Variants in SRL observed in about 807,000 individuals in gnomAD.
SRL encodes sarcalumenin.
SRL carries 23 observed loss-of-function variants against 39.5 expected under a neutral mutation model. That is an observed-to-expected ratio of 0.58 (90% CI 0.42 to 0.82). The LOEUF (loss-of-function observed/expected upper bound fraction) is 0.82, where lower values mean the gene tolerates loss of function less well. Ranked by LOEUF, SRL falls within the 40% of genes least tolerant of loss-of-function variation. SRL has a pLI of 0.00. For missense variants in SRL, 592 were observed against 607.8 expected, an observed-to-expected ratio of 0.97 and a Z score of 0.27; for synonymous variants, 272 against 237.4, an observed-to-expected ratio of 1.15 and a Z score of -1.34.
chr16:4,206,673 G>T, intron 1 of SRL: 1 of 456,770 alleles, frequency 2.2e-6, no homozygotes. Flanking sequence ...AAGACTTCCA[G>T]GGAGAATGCA....
chr16:4,227,545 G>A (rs868255759), intron 1 of SRL, among the ~76,000 whole-genome samples: 1 of 151,882 alleles, frequency 6.6e-6, no homozygotes, highest in African/African-American at 2.4e-5. Context: ...GGTAGATGAT[G>A]GATGGGTGGA....
Position 4,190,289 on chromosome 16 carries a change from G to A in SRL, c.*1864C>T. The A allele has an allele frequency of 5.0e-6, 2 of 399,090 alleles. No individual in the cohort carries two copies. Among genetic ancestry groups the A allele is most frequent in the Non-Finnish European group, 4.4e-6 (1 of 226,436 alleles). The allele number at this position is 399,090 out of a possible 1,614,324, so 24.7% of individuals were successfully genotyped here. On this transcript the variant is annotated 3_prime_UTR_variant, in exon 6 of 6. Transcript: ENST00000399609. ...CTGGCTTACCCTGCCTGACCTCAGAGTGCCTCTCCCTCTGCCTGCCTTTCC... is the reference window on the plus strand; with the variant it reads ...CTGGCTTACCCTGCCTGACCTCAGAATGCCTCTCCCTCTGCCTGCCTTTCC...
At chr16:4,229,708 A>G (rs1043857407) in intron 1 of SRL, among the ~76,000 whole-genome samples, 1 of 152,126 alleles carries the variant, frequency 6.6e-6, no homozygotes, top group Non-Finnish European at 1.5e-5. Flanking sequence ...GATAAGATCA[A>G]CAAAAGCCCA....
rs1171912237 is a variant in SRL at position 4,198,557 on chromosome 16, T to G, written c.260-642A>C. On this transcript the variant is annotated intron_variant, in intron 3 of 5. Coordinates refer to ENST00000399609, the MANE Select transcript of SRL (RefSeq NM_001098814.2). Reference sequence around the variant, plus strand: ...ACTGGGCTCAAGCAATCCTCCCACTTCAGCCTCCCAAGTAGTAGCTAGGAC... The same window carrying G: ...ACTGGGCTCAAGCAATCCTCCCACTGCAGCCTCCCAAGTAGTAGCTAGGAC... Among the ~76,000 whole-genome samples the G allele has an allele frequency of 2.0e-5, 3 of 152,134 alleles. No individual in the cohort carries two copies. In the East Asian group the frequency reaches 5.8e-4, roughly 29 times the overall value.
intron 1 of SRL, chr16:4,207,681 C>A (rs2052340714): frequency 9.5e-6 from 4 of 422,622 alleles, no homozygotes; most frequent in Non-Finnish European, 1.9e-5. Context: ...CGTGGGGAGC[C>A]CAAACCCAGT....
chr16:4,192,747 C>T lies in SRL; in HGVS notation c.828G>A (p.Leu276=). 1 of 1,614,162 alleles carries T rather than the reference C, an allele frequency of 6.2e-7. No individual in the cohort carries two copies. Among genetic ancestry groups the T allele is most frequent in the South Asian group, 1.1e-5 (1 of 91,072 alleles). The change falls in exon 6 of 6, where the codon TTG becomes TTA. Residue 276 remains leucine (L), a synonymous_variant. Transcript: ENST00000399609. The surrounding 1 kb of genome is among the most constrained non-coding windows in gnomAD (Gnocchi z 4.0). ...MRVYGALFWS[L]APLINVTEPP... The stretch of plus-strand genomic sequence containing the variant: ...GCTCTGTGACATTGATGAGAGGGGC[C>T]AAGCTCCAGAAGAGGGCCCCGTAAA...
intron 1 of SRL, among the ~76,000 whole-genome samples, chr16:4,210,807 G>C (rs1246385103): frequency 2.0e-5 from 3 of 152,104 alleles, no homozygotes; most frequent in African/African-American, 7.2e-5. Flanking sequence ...TTACAGATGA[G>C]AAGTCTGGAA....
chr16:4,202,974 A>C (rs114850189), intron 3 of SRL, among the ~76,000 whole-genome samples, 192 bp downstream of exon 3: 2,408 of 152,320 alleles, frequency 0.016, 60 homozygotes, highest in African/African-American at 0.055. Flanking sequence ...TAGTTCCGTG[A>C]TGGAGGTGTC....
intron 1 of SRL, among the ~76,000 whole-genome samples, chr16:4,236,524 G>A (rs553074568): frequency 6.6e-6 from 1 of 152,062 alleles, no homozygotes; most frequent in Non-Finnish European, 1.5e-5. Context: ...TCATCTTTAC[G>A]TAAATGAATC....
chr16:4,235,870 C>T (rs914595456), intron 1 of SRL, among the ~76,000 whole-genome samples: 1 of 152,078 alleles, frequency 6.6e-6, no homozygotes, highest in Non-Finnish European at 1.5e-5. Context: ...GAGCGGATCT[C>T]GAGGTCAGGA....
rs771186742 is a variant in SRL, at chr16:4,192,778, A to T, written c.797T>A (p.Met266Lys). ...KADNLATQML[M>K]RVYGALFWSL... ...CCAGAAGAGGGCCCCGTAAACCCGCATGAGCATTTGGGTGGCCAGATTGTC... is the reference window on the plus strand; with the variant it reads ...CCAGAAGAGGGCCCCGTAAACCCGCTTGAGCATTTGGGTGGCCAGATTGTC... The change falls in exon 6 of 6, where the codon ATG (methionine) becomes AAG (lysine). Residue 266 changes from methionine (M) to lysine (K), a missense_variant. Physicochemically the swap from Met to Lys is moderately conservative, Grantham distance 95. Coordinates refer to ENST00000399609, the MANE Select transcript of SRL (RefSeq NM_001098814.2). The surrounding 1 kb of genome is among the most constrained non-coding windows in gnomAD (Gnocchi z 4.0). The T allele has an allele frequency of 2.5e-6, 4 of 1,614,178 alleles. No homozygotes were observed. Among genetic ancestry groups the T allele is most frequent in the Non-Finnish European group, 3.4e-6 (4 of 1,180,020 alleles).
chr16:4,206,969 G>A lies in SRL; in HGVS notation c.62-2335C>T, dbSNP rs149565912. 155 of 455,178 alleles carry A rather than the reference G, an allele frequency of 3.4e-4. No individual in the cohort carries two copies. In the East Asian group the frequency reaches 7.6e-3, roughly 22 times the overall value. The allele number at this position is 455,178 out of a possible 1,614,324, so 28.2% of individuals were successfully genotyped here. ...GATCCCCACCTTCCTGGGGCTCCCC[G>A]CCTTCCTGTGGCGCTCCACCTTCCT... On this transcript the variant is annotated intron_variant, in intron 1 of 5. Coordinates refer to ENST00000399609, the MANE Select transcript of SRL (RefSeq NM_001098814.2).
intron 1 of SRL, among the ~76,000 whole-genome samples, chr16:4,236,196 G>A (rs868015661): frequency 3.3e-5 from 5 of 152,130 alleles, no homozygotes; most frequent in Non-Finnish European, 7.3e-5. Flanking sequence ...AGGTTTCTAT[G>A]TCTAAAGATG....
chr16:4,203,546 G>T (rs930483469), intron 2 of SRL, among the ~76,000 whole-genome samples: 1 of 152,126 alleles, frequency 6.6e-6, no homozygotes, highest in African/African-American at 2.4e-5. Flanking sequence ...TTTAGAGAAA[G>T]GATCTTGCTC....
At chr16:4,218,322 G>T (rs372285391) in intron 1 of SRL, among the ~76,000 whole-genome samples, 2 of 152,158 alleles carry the variant, frequency 1.3e-5, no homozygotes, top group East Asian at 1.9e-4. Flanking sequence ...AGCCCTTTCC[G>T]AAGGCAGAGG....
intron 1 of SRL, among the ~76,000 whole-genome samples, chr16:4,219,416 C>A (rs1326133209): frequency 3.3e-5 from 5 of 152,226 alleles, no homozygotes; most frequent in Admixed American, 6.5e-5. Context: ...TCTCAGAGGG[C>A]TGTGTCGGGG....
At chr16:4,222,377 T>C (rs553610358) in intron 1 of SRL, among the ~76,000 whole-genome samples, 3 of 152,238 alleles carry the variant, frequency 2.0e-5, no homozygotes, top group Admixed American at 2.0e-4. Flanking sequence ...TGGGTTCAAG[T>C]GATTCTCCTG....
rs374478362 is a variant in SRL at position 4,192,540 on chromosome 16, G to T, written c.1035C>A (p.Leu345=). The T allele has an allele frequency of 1.7e-4, 271 of 1,614,074 alleles. No homozygotes were observed. Among genetic ancestry groups the T allele is most frequent in the Non-Finnish European group, 1.6e-4 (192 of 1,180,040 alleles). The change falls in exon 6 of 6, where the codon CTC becomes CTA. Residue 345 remains leucine, a synonymous_variant. Coordinates refer to ENST00000399609, the MANE Select transcript of SRL (RefSeq NM_001098814.2). The surrounding 1 kb of genome is among the most constrained non-coding windows in gnomAD (Gnocchi z 4.0). ...AAGTCTGCAGGTAGCGGTCAACCAG[G>T]AGGGCGTGGATGCGGACCCGGATGG... The part of the protein sequence containing the change: ...QHAIRVRIHA[L]LVDRYLQTYK...
At chr16:4,234,149 C>T (rs1323991985) in intron 1 of SRL, among the ~76,000 whole-genome samples, 2 of 152,146 alleles carry the variant, frequency 1.3e-5, no homozygotes, top group Non-Finnish European at 2.9e-5. Flanking sequence ...GTACCCACTA[C>T]ATCCAGCTAT....
Sources: gnomAD v4.1 joint callset for allele counts (sites outside exome capture counted in the v4.1 genomes callset) on GRCh38, gnomAD v4.1.1 for gene constraint, Gnocchi (gnomAD v3.1) non-coding constraint, MANE v1.5 for transcripts, NCBI Gene and HGNC (gene_info 2026-07-23, HGNC 2026-07-21) for gene names.